The following SLC26A8 variants were observed in gnomAD, a reference collection of about 807,000 sequenced individuals.
SLC26A8 encodes the protein solute carrier family 26 member 8.
A neutral mutation model predicts 105.0 loss-of-function variants in SLC26A8; 70 were observed. That is an observed-to-expected ratio of 0.67 (90% confidence interval 0.55 to 0.81). SLC26A8 has a LOEUF of 0.81. SLC26A8 is among the 40% of genes least tolerant of loss of function. The pLI is 0.00. For synonymous variants in SLC26A8, 415 were observed against 438.3 expected, an observed-to-expected ratio of 0.95 and a Z score of 0.66; for missense variants, 998 against 1,181.8, an observed-to-expected ratio of 0.84 and a Z score of 2.28.
At chr6:35,966,732 C>T (rs1249018457) in intron 11 of SLC26A8, among the ~76,000 whole-genome samples, 1 of 152,176 alleles carries the variant, frequency 6.6e-6, no homozygotes, top group African/African-American at 2.4e-5. Flanking sequence ...GCTTAGTACT[C>T]ATAGAACCTT....
At chr6:36,001,940 A>G (rs962996405) in intron 3 of SLC26A8, among the ~76,000 whole-genome samples, 1 of 152,142 alleles carries the variant, frequency 6.6e-6, no homozygotes, top group African/African-American at 2.4e-5. Context: ...AGGTATGATG[A>G]GTTTTGGGGT....
At chr6:36,016,821 G>T (rs1581701021) in intron 2 of SLC26A8, among the ~76,000 whole-genome samples, 3 of 152,190 alleles carry the variant, frequency 2.0e-5, no homozygotes, top group Middle Eastern at 6.8e-3. Context: ...AAGGATCAAA[G>T]ACCTAAATTT....
chr6:36,001,315 A>G (rs1321357491), intron 3 of SLC26A8, among the ~76,000 whole-genome samples: 2 of 152,022 alleles, frequency 1.3e-5, no homozygotes, highest in Admixed American at 6.6e-5. Flanking sequence ...TTTTTAGTAG[A>G]GATGGGGTTT....
In SLC26A8 at chr6:35,955,531, A is replaced by G. The variant is rs1772028590; in HGVS notation, c.1864-11T>C. ...CTCTGTGTAAAGAATCTGGGACGACAGAGTTAAGGGAGGGCTGTGGTAAGA... is the reference window on the plus strand; with the variant it reads ...CTCTGTGTAAAGAATCTGGGACGACGGAGTTAAGGGAGGGCTGTGGTAAGA... On this transcript the variant is annotated splice_polypyrimidine_tract_variant and intron_variant, in intron 16 of 19. Coordinates refer to ENST00000490799, the MANE Select transcript of SLC26A8 (RefSeq NM_052961.4). The G allele has an allele frequency of 1.2e-6, 2 of 1,612,256 alleles. No homozygotes were observed. The highest frequency in any genetic ancestry group is 1.7e-6 in the Non-Finnish European group (2 of 1,178,798).
In SLC26A8 at chr6:35,944,616, C is replaced by A. The variant is rs146165424; in HGVS notation, c.2473-276G>T. Reference sequence around the variant, plus strand: ...CCTGTAGTCCTAGCTACTCAGGAGGCTGAGGCAGGAGGATTGCTTGAGGCT... The same window carrying A: ...CCTGTAGTCCTAGCTACTCAGGAGGATGAGGCAGGAGGATTGCTTGAGGCT... On this transcript the variant is annotated intron_variant, in intron 19 of 19. Transcript: ENST00000490799. 1.7e-3 allele frequency among the ~76,000 whole-genome samples: 256 copies of A among 151,524 alleles called. 6 individuals are homozygous for A. The South Asian group carries it at 0.025, about 15-fold the overall frequency.
chr6:35,957,606 CTTTT>C (rs71540136), intron 16 of SLC26A8, among the ~76,000 whole-genome samples: 5 of 130,304 alleles, frequency 3.8e-5, no homozygotes, highest in Admixed American at 7.7e-5. Flanking sequence ...TGAGAGCCAC[CTTTT>C]TTTTTTTTTT....
At chr6:36,001,953 T>A (rs1761536012) in intron 3 of SLC26A8, among the ~76,000 whole-genome samples, 1 of 152,184 alleles carries the variant, frequency 6.6e-6, no homozygotes, top group South Asian at 2.1e-4. Flanking sequence ...TTTGGGGTGA[T>A]CTTTAAAAAA....
intron 3 of SLC26A8, among the ~76,000 whole-genome samples, chr6:36,003,943 G>A (rs1320076997): frequency 1.3e-5 from 2 of 152,012 alleles, no homozygotes; most frequent in Non-Finnish European, 2.9e-5. Flanking sequence ...TTACAGGCGT[G>A]AGCCACCATG....
rs1323665977 is a variant in SLC26A8, at chr6:35,951,466, T to C, written c.2266A>G (p.Ile756Val). ...TCACAGTGACACCCTGCAATGAGTATCAAAATGTTGGCGTTTTGAAAGGCA... is the reference window on the plus strand; with the variant it reads ...TCACAGTGACACCCTGCAATGAGTACCAAAATGTTGGCGTTTTGAAAGGCA... Reference protein sequence around the residue: ...CNAFQNANILILIAGCHSSIV... With the variant: ...CNAFQNANILVLIAGCHSSIV... Residue 756 changes from isoleucine (I) to valine (V), a missense_variant, in exon 18 of 20, where the codon ATA (isoleucine) becomes GTA (valine). By Grantham distance (29) the Ile-to-Val change is conservative. Transcript: ENST00000490799. The C allele has an allele frequency of 1.2e-6, 2 of 1,614,022 alleles. No individual in the cohort carries two copies. Among genetic ancestry groups the C allele is most frequent in the African/African-American group, 2.7e-5 (2 of 74,906 alleles).
At chr6:35,950,168 T>C in intron 19 of SLC26A8, among the ~76,000 whole-genome samples, 1 of 152,220 alleles carries the variant, frequency 6.6e-6, no homozygotes, top group East Asian at 1.9e-4. Flanking sequence ...TAATGATTTC[T>C]AGTCATTAGA....
At chr6:35,953,013 CAAAAAAAA>C (rs11364963) in intron 17 of SLC26A8, among the ~76,000 whole-genome samples, 2 of 63,724 alleles carry the variant, frequency 3.1e-5, no homozygotes, top group Non-Finnish European at 6.0e-5. Context: ...GATGCTGTCT[CAAAAAAAA>C]AAAAAAAAAA....
chr6:36,001,408 G>A (rs1248045705), intron 3 of SLC26A8, among the ~76,000 whole-genome samples: 1 of 152,204 alleles, frequency 6.6e-6, no homozygotes, highest in Non-Finnish European at 1.5e-5. Flanking sequence ...GATTACAGGC[G>A]TGAGCCACCG....
At chr6:35,984,174 A>G (rs546750247) in intron 7 of SLC26A8, among the ~76,000 whole-genome samples, 218 of 152,202 alleles carry the variant, frequency 1.4e-3, no homozygotes, top group African/African-American at 5.0e-3. Flanking sequence ...TAATGCCTAA[A>G]TTGCAATTAT....
chr6:35,955,555 G>T (rs1241323275), intron 16 of SLC26A8, 35 bp from the exon 17 acceptor site: 3 of 1,602,494 alleles, frequency 1.9e-6, no homozygotes, highest in Non-Finnish European at 2.6e-6. Context: ...GCTGTGGTAA[G>T]ACACCAACAA....
rs147270553 is a variant in SLC26A8, at chr6:36,002,934, C to T, written c.329-2826G>A. Among the ~76,000 whole-genome samples the T allele has an allele frequency of 8.8e-3, 1,338 of 152,138 alleles. 14 individuals are homozygous for T. The highest frequency in any genetic ancestry group is 0.028 in the African/African-American group (1,173 of 41,504). On this transcript the variant is annotated intron_variant, in intron 3 of 19. Coordinates refer to ENST00000490799, the MANE Select transcript of SLC26A8 (RefSeq NM_052961.4). ...GGCCAGGCTGGTCTCAAACTCCTGA[C>T]CTCAAATGATTCACCCACCTCAGCC...
chr6:35,959,911 T>C (rs1772244849), intron 14 of SLC26A8, 105 bp from the exon 15 acceptor site: 1 of 910,834 alleles, frequency 1.1e-6, no homozygotes, highest in Admixed American at 3.2e-5. Flanking sequence ...TTCTTTTTTA[T>C]TTTTTTATTT....
At chr6:35,951,010 A>G (rs1296045280) in intron 19 of SLC26A8, among the ~76,000 whole-genome samples, 153 bp downstream of exon 19, 1 of 152,114 alleles carries the variant, frequency 6.6e-6, no homozygotes, top group Admixed American at 6.5e-5. Flanking sequence ...TCAACATCCC[A>G]GATTCTGGTA....
intron 2 of SLC26A8, among the ~76,000 whole-genome samples, chr6:36,013,607 A>G (rs1761921485): frequency 6.6e-6 from 1 of 152,242 alleles, no homozygotes; most frequent in African/African-American, 2.4e-5. Flanking sequence ...GATTGAGAAA[A>G]CCTGCTTTAA....
At chr6:35,970,214 T>A (rs1772733838) in intron 10 of SLC26A8, among the ~76,000 whole-genome samples, 1 of 152,156 alleles carries the variant, frequency 6.6e-6, no homozygotes, top group Non-Finnish European at 1.5e-5. Flanking sequence ...GATTCTCTAA[T>A]TTTTCTCTGT....
Sources: allele counts gnomAD v4.1 joint callset (sites outside exome capture counted in the v4.1 genomes callset), GRCh38; gene constraint gnomAD v4.1.1; transcripts MANE v1.5; gene names NCBI Gene and HGNC (gene_info 2026-07-23, HGNC 2026-07-21).